The following GRM1 variants were observed in gnomAD, a reference collection of about 807,000 sequenced individuals.
GRM1 encodes the protein glutamate metabotropic receptor 1.
A neutral mutation model predicts 90.9 loss-of-function variants in GRM1; 33 were observed. That is an observed-to-expected ratio of 0.36 (90% CI 0.28 to 0.49). GRM1 has a LOEUF of 0.49. GRM1 is among the 20% of genes least tolerant of loss of function. The pLI is 0.99. For synonymous variants in GRM1, 700 were observed against 613.2 expected, an observed-to-expected ratio of 1.14 and a Z score of -2.09; for missense variants, 1,190 against 1,534.3, an observed-to-expected ratio of 0.78 and a Z score of 3.75.
chr6:146,195,997 A>T (rs1424465923), intron 2 of GRM1, among the ~76,000 whole-genome samples: 1 of 152,238 alleles, frequency 6.6e-6, no homozygotes, highest in Admixed American at 6.5e-5. Flanking sequence ...CTACAGTCTT[A>T]GCATTTTGTT....
At chr6:146,386,689 G>A (rs915969738) in intron 5 of GRM1, among the ~76,000 whole-genome samples, 13 of 151,990 alleles carry the variant, frequency 8.6e-5, no homozygotes, top group Admixed American at 1.3e-4. Flanking sequence ...AACCCAGCAT[G>A]GAATGAATTG....
At chr6:146,065,512 G>T (rs1775816098) in intron 1 of GRM1, among the ~76,000 whole-genome samples, 1 of 152,186 alleles carries the variant, frequency 6.6e-6, no homozygotes, top group African/African-American at 2.4e-5. Flanking sequence ...AAGTACATGA[G>T]ATAATACCTG....
At chr6:146,353,915 A>T (rs1349109904) in intron 4 of GRM1, among the ~76,000 whole-genome samples, 1 of 152,204 alleles carries the variant, frequency 6.6e-6, no homozygotes, top group Non-Finnish European at 1.5e-5. Flanking sequence ...TACAGGCGTG[A>T]GCCACTTTGC....
chr6:146,348,619 A>G (rs1447884568), intron 3 of GRM1, among the ~76,000 whole-genome samples: 2 of 152,244 alleles, frequency 1.3e-5, no homozygotes, highest in Non-Finnish European at 2.9e-5. Flanking sequence ...CATTGCAAAT[A>G]TTCCCCAGGA....
At chr6:146,376,384 G>A (rs1361453047) in intron 5 of GRM1, among the ~76,000 whole-genome samples, 1 of 152,058 alleles carries the variant, frequency 6.6e-6, no homozygotes, top group African/African-American at 2.4e-5. Context: ...ACCTTGAGGT[G>A]ATTATTTATT....
At chr6:146,335,865 T>C (rs1366232689) in intron 3 of GRM1, among the ~76,000 whole-genome samples, 1 of 151,954 alleles carries the variant, frequency 6.6e-6, no homozygotes, top group Non-Finnish European at 1.5e-5. Context: ...TGGTGGGAGG[T>C]AATTGAATCA....
chr6:146,185,665 A>T (rs1433823875), intron 2 of GRM1, among the ~76,000 whole-genome samples: 1 of 152,184 alleles, frequency 6.6e-6, no homozygotes, highest in Non-Finnish European at 1.5e-5. Context: ...GTGATTTGGG[A>T]GTAAAATTCT....
chr6:146,188,451 G>A (rs1778817737), intron 2 of GRM1, among the ~76,000 whole-genome samples: 1 of 152,078 alleles, frequency 6.6e-6, no homozygotes, highest in Admixed American at 6.5e-5. Context: ...AGTTGCCACA[G>A]GCATCCCCAT....
chr6:146,266,912 G>A (rs1185310341), intron 2 of GRM1, among the ~76,000 whole-genome samples: 3 of 152,138 alleles, frequency 2.0e-5, no homozygotes, highest in Non-Finnish European at 4.4e-5. Flanking sequence ...AAGCTTAGGG[G>A]TACATGTGCA....
At chr6:146,338,669 C>A (rs1475457408) in intron 3 of GRM1, among the ~76,000 whole-genome samples, 1 of 152,180 alleles carries the variant, frequency 6.6e-6, no homozygotes, top group African/African-American at 2.4e-5. Context: ...CTAAAGCCCT[C>A]TGATTTGTTA....
intron 1 of GRM1, among the ~76,000 whole-genome samples, chr6:146,128,640 T>C (rs1332244335): frequency 5.9e-5 from 9 of 152,166 alleles, no homozygotes; most frequent in African/African-American, 9.7e-5. Flanking sequence ...TTAAATCTTT[T>C]TAAAGGAAAA....
At position 146,386,994 on chromosome 6, in the gene GRM1, G is replaced by A; in HGVS notation, c.1707G>A (p.Trp569Ter). 1 of 1,613,108 alleles carries A rather than the reference G, an allele frequency of 6.2e-7. No individual in the cohort carries two copies. The highest frequency in any genetic ancestry group is 8.5e-7 in the Non-Finnish European group (1 of 1,179,244). Reference sequence around the variant, plus strand: ...CCTGCAAAGCTTGTGACTTGGGATGGTGGCCCAATGCAGATCTAACAGGTA... The same window carrying A: ...CCTGCAAAGCTTGTGACTTGGGATGATGGCCCAATGCAGATCTAACAGGTA... ...EFTCKACDLG[W>*]WPNADLTGCE... Residue 569 changes from tryptophan (W) to a stop codon, truncating the protein, a stop_gained, in exon 6 of 8, where the codon TGG becomes TGA. Transcript: ENST00000282753. LOFTEE classifies it high-confidence loss of function.
chr6:146,200,229 C>T (rs1262881406), intron 2 of GRM1, among the ~76,000 whole-genome samples: 1 of 152,250 alleles, frequency 6.6e-6, no homozygotes, highest in East Asian at 1.9e-4. Context: ...CTGTTTGTGC[C>T]GTTCACTGCA....
In GRM1 at chr6:146,434,746, T is replaced by TCTGTC; in HGVS notation, c.3535_3536insCTGTC (p.Tyr1179SerfsTer25). The TCTGTC allele has an allele frequency of 6.2e-7, 1 of 1,600,392 alleles. No individual in the cohort carries two copies. The highest frequency in any genetic ancestry group is 8.5e-7 in the Non-Finnish European group (1 of 1,179,940). ...GCTCTGCACCCCTCCCAACGTATCCTACGCCTCTGTCATTCTGCGGGACTA... is the reference window on the plus strand; with the variant it reads ...GCTCTGCACCCCTCCCAACGTATCCTCTGTCACGCCTCTGTCATTCTGCGGGACTA... On this transcript the variant is annotated frameshift_variant, in exon 8 of 8. Coordinates refer to ENST00000282753, the MANE Select transcript of GRM1 (RefSeq NM_001278064.2). LOFTEE classifies it high-confidence loss of function.
chr6:146,376,791 A>G (rs1419174712), intron 5 of GRM1, among the ~76,000 whole-genome samples: 3 of 152,026 alleles, frequency 2.0e-5, no homozygotes, highest in Non-Finnish European at 4.4e-5. Flanking sequence ...TCTATAACTG[A>G]TATGGTTTGG....
At chr6:146,068,357 C>T (rs928926319) in intron 1 of GRM1, among the ~76,000 whole-genome samples, 1 of 152,200 alleles carries the variant, frequency 6.6e-6, no homozygotes, top group Admixed American at 6.5e-5. Flanking sequence ...TCATGATCCG[C>T]CCACCTCGGC....
intron 7 of GRM1, among the ~76,000 whole-genome samples, chr6:146,423,467 T>A (rs1412894182): frequency 5.6e-5 from 2 of 35,816 alleles, no homozygotes; most frequent in African/African-American, 2.0e-4. Context: ...GATGCTCTAT[T>A]TTTTTTTTTT....
Position 146,434,936 on chromosome 6 carries a change from A to C in GRM1, c.*140A>C. On this transcript the variant is annotated 3_prime_UTR_variant, in exon 8 of 8. Transcript: ENST00000282753. ...GGAGACCGCTGCTGCTGCTGCCGCTACTGCTGCTGCTGCCTTAAGTAGGAA... is the reference window on the plus strand; with the variant it reads ...GGAGACCGCTGCTGCTGCTGCCGCTCCTGCTGCTGCTGCCTTAAGTAGGAA... 1 of 755,726 alleles carries C rather than the reference A, an allele frequency of 1.3e-6. No homozygotes were observed. The highest frequency in any genetic ancestry group is 1.5e-5 in the South Asian group (1 of 68,794). 46.8% of individuals were successfully genotyped at this position (755,726 alleles called of 1,614,324 possible).
intron 2 of GRM1, among the ~76,000 whole-genome samples, chr6:146,213,985 C>G (rs1779782230): frequency 6.6e-6 from 1 of 152,072 alleles, no homozygotes; most frequent in Non-Finnish European, 1.5e-5. Context: ...GTCCCAATGT[C>G]TGAGGCGGTA....
Sources: gnomAD v4.1 joint callset for allele counts (sites outside exome capture counted in the v4.1 genomes callset) on GRCh38, gnomAD v4.1.1 for gene constraint, MANE v1.5 for transcripts, NCBI Gene and HGNC (gene_info 2026-07-23, HGNC 2026-07-21) for gene names.